The following RHOU variants were observed in gnomAD, a reference collection of about 807,000 sequenced individuals.
The protein encoded by RHOU is rho-related GTP-binding protein RhoU.
RHOU carries 8 observed loss-of-function variants against 12.6 expected under a neutral mutation model. That is an observed-to-expected ratio of 0.64 (90% CI 0.37 to 1.15). The LOEUF (loss-of-function observed/expected upper bound fraction) is 1.15. Ranked by LOEUF, RHOU falls within the 50% of genes most tolerant of loss-of-function variation. The pLI is 0.01. For missense variants in RHOU, 258 were observed against 347.0 expected, an observed-to-expected ratio of 0.74 and a Z score of 2.04; for synonymous variants, 161 against 147.4, an observed-to-expected ratio of 1.09 and a Z score of -0.67.
chr1:228,688,342 A>G, the RHOU span, among the ~76,000 whole-genome samples: 2 of 152,252 alleles, frequency 1.3e-5, no homozygotes, highest in African/African-American at 4.8e-5. Context: ...TTTCCCCCGA[A>G]TCCTTCCACT....
chr1:228,677,331 G>A, the RHOU span, among the ~76,000 whole-genome samples: 1 of 152,148 alleles, frequency 6.6e-6, no homozygotes, highest in African/African-American at 2.4e-5. Flanking sequence ...ACTAAGAATT[G>A]GGAGCACCCA....
the RHOU span, among the ~76,000 whole-genome samples, chr1:228,724,321 C>G: frequency 6.6e-6 from 1 of 152,086 alleles, no homozygotes; most frequent in African/African-American, 2.4e-5. Flanking sequence ...TTGTGTTCCC[C>G]CCCAGATTTA....
chr1:228,695,000 C>G, the RHOU span, among the ~76,000 whole-genome samples: 4 of 152,052 alleles, frequency 2.6e-5, no homozygotes. Context: ...GACAAGGTAT[C>G]ACTTTATCAT....
At position 228,746,415 on chromosome 1, in the gene RHOU, G is replaced by A. The variant is rs1489378731; in HGVS notation, c.*2675G>A. On this transcript the variant is annotated 3_prime_UTR_variant, in exon 3 of 3. Coordinates refer to ENST00000366691, the MANE Select transcript of RHOU (RefSeq NM_021205.6). ...AATACAGCATACTTCAAAACTGTTT[G>A]TTATCTCTTGTTACCATGTATGTAT... 6.6e-6 allele frequency: 1 copy of A among 152,146 alleles called. No homozygotes were observed. The highest frequency in any genetic ancestry group is 1.5e-5 in the Non-Finnish European group (1 of 68,014). 9.4% of individuals were successfully genotyped at this position (152,146 alleles called of 1,614,324 possible). A position where few individuals can be genotyped will look rare whatever the true frequency, so the allele number is the denominator to read the frequency against.
the RHOU span, among the ~76,000 whole-genome samples, chr1:228,679,787 C>T: frequency 3.3e-5 from 5 of 151,790 alleles, no homozygotes; most frequent in East Asian, 9.7e-4. Context: ...ATCATCCATC[C>T]TCAAGGAGGG....
the RHOU span, among the ~76,000 whole-genome samples, chr1:228,711,447 G>C: frequency 2.0e-5 from 3 of 152,086 alleles, no homozygotes; most frequent in African/African-American, 7.2e-5. Flanking sequence ...CATGGTACTG[G>C]TACCAAAACA....
chr1:228,654,233 A>C, the RHOU span, among the ~76,000 whole-genome samples: 1 of 151,818 alleles, frequency 6.6e-6, no homozygotes, highest in Non-Finnish European at 1.5e-5. Context: ...TCCACTTCCT[A>C]AGTACCTGGA....
At chr1:228,692,807 A>G in the RHOU span, among the ~76,000 whole-genome samples, 1 of 152,120 alleles carries the variant, frequency 6.6e-6, no homozygotes, top group Admixed American at 6.5e-5. Flanking sequence ...AGTATCATTA[A>G]AAATCAAAAC....
the RHOU span, among the ~76,000 whole-genome samples, chr1:228,712,553 C>T: frequency 2.7e-5 from 4 of 150,744 alleles, no homozygotes; most frequent in East Asian, 2.0e-4. Flanking sequence ...AGTAAACTAT[C>T]GCAAGAACAA....
chr1:228,743,256 TA>T lies in RHOU; in HGVS notation c.322-27del, dbSNP rs1325718513. ...TTACTGATGAGAATTCATGAAAACATAACTTTTGGGTACTTTGCTTGGTTGC... is the reference window on the plus strand; with the variant it reads ...TTACTGATGAGAATTCATGAAAACATACTTTTGGGTACTTTGCTTGGTTGC... On this transcript the variant is annotated intron_variant, in intron 2 of 2. Transcript: ENST00000366691. The surrounding 1 kb of genome is among the most constrained non-coding windows in gnomAD (Gnocchi z 5.1). 6.3e-7 allele frequency: 1 copy of T among 1,589,636 alleles called. No homozygotes were observed. Among genetic ancestry groups the T allele is most frequent in the Admixed American group, 1.7e-5 (1 of 59,456 alleles).
chr1:228,717,403 C>T, the RHOU span, among the ~76,000 whole-genome samples: 1 of 152,162 alleles, frequency 6.6e-6, no homozygotes, highest in Admixed American at 6.5e-5. Context: ...ACCTCTCATC[C>T]TCTTGGGCCC....
the RHOU span, among the ~76,000 whole-genome samples, chr1:228,689,068 C>T: frequency 5.3e-5 from 8 of 152,306 alleles, no homozygotes; most frequent in East Asian, 1.5e-3. Flanking sequence ...TCCGCCTGAA[C>T]AGTCCCTTCA....
At chr1:228,678,155 G>A in the RHOU span, among the ~76,000 whole-genome samples, 1 of 152,204 alleles carries the variant, frequency 6.6e-6, no homozygotes, top group Non-Finnish European at 1.5e-5. Context: ...GGAACACTGA[G>A]AAGTGATTTC....
chr1:228,652,308 A>C, the RHOU span: 9 of 152,222 alleles, frequency 5.9e-5, no homozygotes, highest in African/African-American at 2.2e-4. Context: ...TCTTCAAGCC[A>C]CTGACTTCTG....
chr1:228,707,912 A>T, the RHOU span, among the ~76,000 whole-genome samples: 1 of 152,188 alleles, frequency 6.6e-6, no homozygotes, highest in African/African-American at 2.4e-5. Flanking sequence ...AACTTTGAAA[A>T]AAATTTAGAA....
At chr1:228,675,861 G>GGGCT in the RHOU span, among the ~76,000 whole-genome samples, 1 of 152,088 alleles carries the variant, frequency 6.6e-6, no homozygotes, top group African/African-American at 2.4e-5. Context: ...CTAGGGTTTA[G>GGGCT]GGCTGCAGCC....
chr1:228,706,862 C>G, the RHOU span, among the ~76,000 whole-genome samples: 1 of 151,768 alleles, frequency 6.6e-6, no homozygotes, highest in Non-Finnish European at 1.5e-5. Context: ...AAGAATTTTA[C>G]TGGTACATGA....
chr1:228,651,056 C>T, the RHOU span: 1 of 261,036 alleles, frequency 3.8e-6, no homozygotes, highest in Non-Finnish European at 8.0e-6. Context: ...CATGGCTTCC[C>T]TCATAAAGAC....
chr1:228,700,051 A>G, the RHOU span, among the ~76,000 whole-genome samples: 2 of 152,220 alleles, frequency 1.3e-5, no homozygotes, highest in Non-Finnish European at 2.9e-5. Context: ...ATCTTTTTTT[A>G]TAATGAGTCA....
Sources: gnomAD v4.1 joint callset for allele counts (sites outside exome capture counted in the v4.1 genomes callset) on GRCh38, gnomAD v4.1.1 for gene constraint, Gnocchi (gnomAD v3.1) non-coding constraint, MANE v1.5 for transcripts, NCBI Gene and HGNC (gene_info 2026-07-23, HGNC 2026-07-21) for gene names.